FAM222B: variants seen among roughly 807,000 people sequenced by gnomAD.
FAM222B encodes the protein protein FAM222B.
FAM222B carries 12 observed loss-of-function variants against 38.0 expected under a neutral mutation model. The observed-to-expected ratio is 0.32, with a 90% CI of 0.20 to 0.51. The LOEUF (loss-of-function observed/expected upper bound fraction) is 0.51, where lower values mean the gene tolerates loss of function less well. Among genes scored for constraint, FAM222B ranks in the 20% least tolerant of loss-of-function variants. FAM222B has a pLI of 0.97. For synonymous variants in FAM222B, 329 were observed against 317.2 expected (o/e 1.04, Z -0.40); for missense variants, 716 against 754.2 (o/e 0.95, Z 0.59).
At chr17:28,814,380 T>C (rs572697588) in intron 1 of FAM222B, among the ~76,000 whole-genome samples, 1 of 152,300 alleles carries the variant, frequency 6.6e-6, no homozygotes, top group African/African-American at 2.4e-5. Flanking sequence ...TAGGCTACCT[T>C]GGAACTCAAA....
In FAM222B at chr17:28,759,421, G is replaced by A. The variant is rs761035119; in HGVS notation, c.538C>T (p.Pro180Ser). 1 of 1,589,880 alleles carries A rather than the reference G, an allele frequency of 6.3e-7. No homozygotes were observed. The highest frequency in any genetic ancestry group is 8.5e-7 in the Non-Finnish European group (1 of 1,169,848). The change falls in exon 3 of 3, where the codon CCA (proline) becomes TCA (serine). Residue 180 changes from proline (P) to serine (S), a missense_variant. Physicochemically the swap from Pro to Ser is moderately conservative, Grantham distance 74 (BLOSUM62 -1). Transcript: ENST00000581407. The surrounding 1 kb of genome is among the most constrained non-coding windows in gnomAD (Gnocchi z 4.8). Reference protein sequence around the residue: ...QTLQHPQGIPPPQALSHPQSL... With the variant: ...QTLQHPQGIPSPQALSHPQSL... ...TGAGGGTGGGACAGTGCCTGGGGTG[G>A]CGGGATACCCTGAGGGTGCTGCAGC... is the stretch of plus-strand genomic sequence containing the variant.
chr17:28,811,275 C>G (rs2037749186), intron 1 of FAM222B, among the ~76,000 whole-genome samples: 1 of 152,056 alleles, frequency 6.6e-6, no homozygotes, highest in African/African-American at 2.4e-5. Context: ...CCGGTCACTA[C>G]TAAAAATACA....
chr17:28,812,794 A>AC (rs567728115), intron 1 of FAM222B, among the ~76,000 whole-genome samples: 507 of 117,712 alleles, frequency 4.3e-3, no homozygotes, highest in African/African-American at 5.8e-3. Flanking sequence ...GTACTAGGAG[A>AC]CCCCCCCCCA....
intron 1 of FAM222B, among the ~76,000 whole-genome samples, chr17:28,816,007 A>G (rs990697552): frequency 6.7e-6 from 1 of 149,560 alleles, no homozygotes; most frequent in Admixed American, 6.7e-5. Context: ...ATGGTAGCTG[A>G]CGCCTGTAAT....
Position 28,759,024 on chromosome 17 carries a change from G to A in FAM222B, c.935C>T (p.Thr312Ile). 1 of 1,613,040 alleles carries A rather than the reference G, an allele frequency of 6.2e-7. No homozygotes were observed. Among genetic ancestry groups the A allele is most frequent in the Non-Finnish European group, 8.5e-7 (1 of 1,179,530 alleles). ...LLINASTRVS[T>I]HSVPTPMPSC... is the part of the protein sequence containing the mutation. ...AGGCATTGGTGTGGGGACGCTGTGG[G>A]TCGACACCCGGGTGCTTGCATTGAT... The change falls in exon 3 of 3, where the codon ACC becomes ATC. Residue 312 changes from threonine to isoleucine, a missense_variant. Physicochemically the swap from Thr to Ile is moderately conservative, Grantham distance 89. Transcript: ENST00000581407. The surrounding 1 kb of genome is among the most constrained non-coding windows in gnomAD (Gnocchi z 4.8).
At chr17:28,812,278 T>C (rs374141036) in intron 1 of FAM222B, 1 of 152,372 alleles carries the variant, frequency 6.6e-6, no homozygotes, top group African/African-American at 2.4e-5. Flanking sequence ...CCCGCCCGCC[T>C]TGGGCAGCTG....
At chr17:28,842,530 G>A (rs903234149) in intron 1 of FAM222B, among the ~76,000 whole-genome samples, 152 bp downstream of exon 1, 8 of 152,042 alleles carry the variant, frequency 5.3e-5, no homozygotes, top group South Asian at 2.1e-4. Flanking sequence ...CGGGCCACCC[G>A]TGCCCCAAAT....
At chr17:28,769,543 C>T (rs769549983) in intron 1 of FAM222B, among the ~76,000 whole-genome samples, 4 of 152,178 alleles carry the variant, frequency 2.6e-5, no homozygotes, top group Admixed American at 6.6e-5. Flanking sequence ...GTGTTCCGCC[C>T]GCCTTGGCCT....
chr17:28,776,147 C>T (rs1597884271), intron 1 of FAM222B, among the ~76,000 whole-genome samples: 2 of 149,290 alleles, frequency 1.3e-5, no homozygotes, highest in South Asian at 2.1e-4. Context: ...CTGAGGCGGG[C>T]GTATCATGAG....
At chr17:28,809,082 G>A (rs545280689) in intron 1 of FAM222B, among the ~76,000 whole-genome samples, 131 of 152,214 alleles carry the variant, frequency 8.6e-4, no homozygotes, top group African/African-American at 2.5e-3. Flanking sequence ...GGCCGGGCAC[G>A]GTGGCTCATG....
At chr17:28,846,624 A>G (rs561404570), upstream of FAM222B, among the ~76,000 whole-genome samples, 9 of 152,046 alleles carry the variant, frequency 5.9e-5, no homozygotes, top group South Asian at 1.9e-3. Context: ...AGATTCAACC[A>G]TTGCACTCCA....
Position 28,835,832 on chromosome 17 carries a change from C to T in FAM222B, c.-41+6850G>A, listed in dbSNP as rs569443810. 8.6e-5 allele frequency among the ~76,000 whole-genome samples: 13 copies of T among 151,794 alleles called. 1 individual carries two copies. The highest frequency in any genetic ancestry group is 6.6e-4 in the Admixed American group (10 of 15,218). On this transcript the variant is annotated intron_variant, in intron 1 of 2. Transcript: ENST00000581407. ...GACTATAGGTGCATGCCACCACACC[C>T]GGCTCATTTTTTTTTATTTTTTTGT...
At chr17:28,827,442 T>C (rs1192197295) in intron 1 of FAM222B, among the ~76,000 whole-genome samples, 1 of 152,062 alleles carries the variant, frequency 6.6e-6, no homozygotes, top group Non-Finnish European at 1.5e-5. Context: ...GAATAGCAAT[T>C]AAATAATAAA....
chr17:28,814,080 G>A (rs956297107), intron 1 of FAM222B, among the ~76,000 whole-genome samples: 18 of 151,622 alleles, frequency 1.2e-4, no homozygotes, highest in Non-Finnish European at 2.6e-4. Flanking sequence ...GTAGCTAGGC[G>A]TGGTAACTCG....
At chr17:28,816,848 C>T (rs2038045368) in intron 1 of FAM222B, among the ~76,000 whole-genome samples, 1 of 151,926 alleles carries the variant, frequency 6.6e-6, no homozygotes, top group Non-Finnish European at 1.5e-5. Context: ...TAAGGGAATT[C>T]CTGGCACTAT....
At chr17:28,765,387 CAG>C (rs1451289761) in intron 2 of FAM222B, among the ~76,000 whole-genome samples, 7 of 152,276 alleles carry the variant, frequency 4.6e-5, no homozygotes, top group African/African-American at 1.7e-4. Context: ...CCTACAATGC[CAG>C]AGTTGAGTAG....
At chr17:28,842,962 T>C (rs1474844044), upstream of FAM222B, 2 of 152,248 alleles carry the variant, frequency 1.3e-5, no homozygotes, top group Non-Finnish European at 1.5e-5. Flanking sequence ...CTTAGAGAAT[T>C]TGGCGGCTGC....
intron 1 of FAM222B, among the ~76,000 whole-genome samples, chr17:28,829,206 CCTCT>C (rs1307352444): frequency 8.0e-6 from 1 of 125,686 alleles, no homozygotes; most frequent in Admixed American, 8.3e-5. Context: ...GCTTGGCCAC[CCTCT>C]CTCTACTCTT....
intron 1 of FAM222B, among the ~76,000 whole-genome samples, chr17:28,829,850 A>AT (rs200826676): frequency 3.9e-4 from 58 of 148,114 alleles, no homozygotes; most frequent in African/African-American, 8.9e-4. Flanking sequence ...TTTTTTTTAA[A>AT]TTTTTTTTTT....
Sources: gnomAD v4.1 joint callset for allele counts (sites outside exome capture counted in the v4.1 genomes callset) on GRCh38, gnomAD v4.1.1 for gene constraint, Gnocchi (gnomAD v3.1) non-coding constraint, MANE v1.5 for transcripts, NCBI Gene and HGNC (gene_info 2026-07-23, HGNC 2026-07-21) for gene names.